The following DGKH variants were observed in gnomAD, a reference collection of about 807,000 sequenced individuals.
DGKH encodes the protein diacylglycerol kinase eta.
DGKH carries 90 observed loss-of-function variants against 159.3 expected under a neutral mutation model. The ratio of observed to expected loss-of-function variants is 0.57; its 90% CI spans 0.48 to 0.67. The LOEUF is 0.67. Among genes scored for constraint, DGKH ranks in the 30% least tolerant of loss-of-function variants. DGKH has a pLI of 0.00. For synonymous variants in DGKH, 536 were observed against 553.8 expected (o/e 0.97, Z 0.45); for missense variants, 1,181 against 1,506.1 (o/e 0.78, Z 3.57).
At chr13:42,159,029 C>G (rs985607397) in intron 5 of DGKH, among the ~76,000 whole-genome samples, 1 of 151,972 alleles carries the variant, frequency 6.6e-6, no homozygotes, top group Non-Finnish European at 1.5e-5. Flanking sequence ...CTTTTCTGTT[C>G]CTCTAAGTAG....
chr13:42,209,977 C>T (rs75644542), intron 23 of DGKH, among the ~76,000 whole-genome samples: 3 of 148,126 alleles, frequency 2.0e-5, no homozygotes, highest in Non-Finnish European at 4.5e-5. Context: ...CTTACCCTTA[C>T]TCCTGGCAAT....
chr13:42,069,446 A>G, intron 1 of DGKH: 2 of 1,554,612 alleles, frequency 1.3e-6, no homozygotes, highest in African/African-American at 1.4e-5. Context: ...AGTCGATTTA[A>G]TTTATCAACA....
At chr13:42,119,881 C>T (rs982918334) in intron 1 of DGKH, among the ~76,000 whole-genome samples, 4 of 152,108 alleles carry the variant, frequency 2.6e-5, no homozygotes, top group Non-Finnish European at 5.9e-5. Flanking sequence ...ATTTTTTGCA[C>T]ATTCTCTTTT....
intron 3 of DGKH, among the ~76,000 whole-genome samples, chr13:42,148,469 G>GTGC (rs1364964907): frequency 6.6e-6 from 1 of 152,056 alleles, no homozygotes; most frequent in Non-Finnish European, 1.5e-5. Context: ...TCTTCATGGA[G>GTGC]TGCTCCTATG....
At chr13:42,223,445 A>T (rs1159120019) in intron 29 of DGKH, among the ~76,000 whole-genome samples, 1 of 152,052 alleles carries the variant, frequency 6.6e-6, no homozygotes, top group East Asian at 1.9e-4. Flanking sequence ...TTTAAAAATT[A>T]ATTTATTTTT....
intron 1 of DGKH, among the ~76,000 whole-genome samples, chr13:42,092,633 TGGTAC>T (rs1954442491): frequency 6.6e-6 from 1 of 152,116 alleles, no homozygotes; most frequent in Admixed American, 6.6e-5. Flanking sequence ...GTCTGGTTAA[TGGTAC>T]AAAAAATATA....
chr13:42,224,808 T>TC (rs1303717730), intron 29 of DGKH, among the ~76,000 whole-genome samples: 1 of 152,000 alleles, frequency 6.6e-6, no homozygotes, highest in Non-Finnish European at 1.5e-5. Context: ...CCTGGTTAAC[T>TC]CCTGCTCAGA....
chr13:42,116,847 G>A (rs1026580724), intron 1 of DGKH, among the ~76,000 whole-genome samples: 1 of 152,176 alleles, frequency 6.6e-6, no homozygotes, highest in Non-Finnish European at 1.5e-5. Flanking sequence ...TAAGACATTG[G>A]ACTAAAAACA....
intron 13 of DGKH, among the ~76,000 whole-genome samples, chr13:42,180,657 T>C (rs1469554128): frequency 1.3e-5 from 2 of 152,202 alleles, no homozygotes; most frequent in Non-Finnish European, 2.9e-5. Flanking sequence ...CCAGCTTGCC[T>C]GCCCTTAAGC....
At chr13:42,116,798 C>A (rs1283547050) in intron 1 of DGKH, among the ~76,000 whole-genome samples, 1 of 152,122 alleles carries the variant, frequency 6.6e-6, no homozygotes, top group African/African-American at 2.4e-5. Context: ...CTTTTATTTT[C>A]TTTAAGCAAA....
At chr13:42,148,157 A>G (rs1375223410) in intron 3 of DGKH, among the ~76,000 whole-genome samples, 7 of 152,180 alleles carry the variant, frequency 4.6e-5, no homozygotes, top group Non-Finnish European at 8.8e-5. Context: ...TTACCTACAC[A>G]TCGTGACCTT....
At chr13:42,068,674 C>T (rs9315885) in intron 1 of DGKH, among the ~76,000 whole-genome samples, 94,549 of 151,932 alleles carry the variant, frequency 0.62, 29,720 homozygotes, top group Non-Finnish European at 0.68. Flanking sequence ...GGATGGTCTT[C>T]ACTTGTCTTA....
At chr13:42,159,242 C>CTATTTTT in intron 5 of DGKH, 24 bp from the exon 6 acceptor site, 2 of 159,044 alleles carry the variant, frequency 1.3e-5, no homozygotes, top group Non-Finnish European at 2.0e-5. Context: ...AAAGCAGTTG[C>CTATTTTT]TCTTTTTTTT....
intron 29 of DGKH, among the ~76,000 whole-genome samples, chr13:42,249,235 T>C (rs1958602791): frequency 6.6e-6 from 1 of 151,954 alleles, no homozygotes; most frequent in African/African-American, 2.4e-5. Flanking sequence ...TTAGCTCTGC[T>C]TGGTGGCGCA....
At chr13:42,173,931 T>C in intron 11 of DGKH, 129 bp from the exon 12 acceptor site, 1 of 507,508 alleles carries the variant, frequency 2.0e-6, no homozygotes, top group Non-Finnish European at 3.4e-6. Flanking sequence ...AAATAAACCA[T>C]AGTTCATGAA....
intron 6 of DGKH, 27 bp downstream of exon 6, chr13:42,159,399 C>G (rs752343962): frequency 1.4e-6 from 2 of 1,457,798 alleles, no homozygotes; most frequent in Admixed American, 3.4e-5. Context: ...TCTCTGCTCT[C>G]TTCCCACTAA....
chr13:42,202,900 C>CTATT (rs1957381973), intron 20 of DGKH, among the ~76,000 whole-genome samples: 1 of 152,044 alleles, frequency 6.6e-6, no homozygotes, highest in South Asian at 2.1e-4. Flanking sequence ...GGAGACTGTT[C>CTATT]TATTTATTAA....
intron 29 of DGKH, among the ~76,000 whole-genome samples, chr13:42,224,880 A>G (rs780794567): frequency 4.8e-5 from 7 of 144,660 alleles, no homozygotes; most frequent in Non-Finnish European, 9.2e-5. Flanking sequence ...ATGACAGTCT[A>G]AAGTTGGGAA....
At chr13:42,221,428 T>G (rs756357563) in intron 29 of DGKH, 34 bp downstream of exon 29, 1 of 1,608,186 alleles carries the variant, frequency 6.2e-7, no homozygotes, top group South Asian at 1.1e-5. Context: ...TCTTGAAAAT[T>G]TTATTGCAAA....
Sources: gnomAD v4.1 joint callset for allele counts (sites outside exome capture counted in the v4.1 genomes callset) on GRCh38, gnomAD v4.1.1 for gene constraint, MANE v1.5 for transcripts, NCBI Gene and HGNC (gene_info 2026-07-23, HGNC 2026-07-21) for gene names.